The following ALS2CL variants were observed in gnomAD, a reference collection of about 807,000 sequenced individuals.
The protein encoded by ALS2CL is ALS2 C-terminal like.
Under a neutral mutation model 127.9 loss-of-function variants are expected in ALS2CL, and 112 were observed. The observed-to-expected ratio is 0.88, with a 90% CI of 0.75 to 1.02. The LOEUF (loss-of-function observed/expected upper bound fraction) is 1.02. Among genes scored for constraint, ALS2CL ranks in the 50% least tolerant of loss-of-function variants. The pLI is 0.00. For synonymous variants in ALS2CL, 519 were observed against 527.6 expected, an observed-to-expected ratio of 0.98 and a Z score of 0.22; for missense variants, 1,174 against 1,236.7, an observed-to-expected ratio of 0.95 and a Z score of 0.76.
Position 46,683,173 on chromosome 3 carries a change from C to G in ALS2CL, c.1066G>C (p.Ala356Pro). The change falls in exon 10 of 26, where the codon GCC becomes CCC. Residue 356 changes from alanine (A) to proline (P), a missense_variant. Ala to Pro is a conservative substitution (Grantham distance 27). Coordinates refer to ENST00000318962, the MANE Select transcript of ALS2CL (RefSeq NM_147129.5). Reference protein sequence around the residue: ...TFQAEGRLCQATYEGEWCRGR... With the variant: ...TFQAEGRLCQPTYEGEWCRGR... Reference sequence around the variant, plus strand: ...CTGCACCACTCGCCCTCGTAGGTGGCCTGGCAGAGCCGGCCCTCTGCCTGG... The same window carrying G: ...CTGCACCACTCGCCCTCGTAGGTGGGCTGGCAGAGCCGGCCCTCTGCCTGG... 2 of 1,603,340 alleles carry G rather than the reference C, an allele frequency of 1.2e-6. No individual in the cohort carries two copies. The highest frequency in any genetic ancestry group is 1.7e-6 in the Non-Finnish European group (2 of 1,174,602).
At chr3:46,682,830 A>G (rs1699458049) in intron 10 of ALS2CL, among the ~76,000 whole-genome samples, 1 of 152,226 alleles carries the variant, frequency 6.6e-6, no homozygotes, top group African/African-American at 2.4e-5. Flanking sequence ...ACAATGAGGT[A>G]CAGATGTGAG....
At chr3:46,689,942 C>T (rs1575452829) in intron 1 of ALS2CL, among the ~76,000 whole-genome samples, 1 of 152,328 alleles carries the variant, frequency 6.6e-6, no homozygotes, top group East Asian at 1.9e-4. Flanking sequence ...TCCCTGTCAC[C>T]CAACCAGGCT....
chr3:46,689,603 G>A (rs1700034214), intron 1 of ALS2CL, 138 bp from the exon 2 acceptor site: 1 of 601,534 alleles, frequency 1.7e-6, no homozygotes, highest in African/African-American at 1.9e-5. Flanking sequence ...TCGCCTCAAA[G>A]GGGAGTTCCT....
Position 46,689,517 on chromosome 3 carries a change from T to C in ALS2CL, c.-25-52A>G, listed in dbSNP as rs184086238. The C allele has an allele frequency of 2.6e-4, 331 of 1,257,134 alleles. 2 individuals are homozygous for C. The East Asian group carries it at 7.4e-3, about 28-fold the overall frequency. The allele number at this position is 1,257,134 out of a possible 1,614,324, so 77.9% of individuals were successfully genotyped here. ...ATAGCACAGACAGGAGCAAGGCCAGTGCCCATCCTCTCAGGCAGGGTGCCC... is the reference window on the plus strand; with the variant it reads ...ATAGCACAGACAGGAGCAAGGCCAGCGCCCATCCTCTCAGGCAGGGTGCCC... On this transcript the variant is annotated intron_variant, in intron 1 of 25. Coordinates refer to ENST00000318962, the MANE Select transcript of ALS2CL (RefSeq NM_147129.5).
intron 10 of ALS2CL, 92 bp from the exon 11 acceptor site, chr3:46,682,186 C>T: frequency 7.3e-7 from 1 of 1,370,420 alleles, no homozygotes; most frequent in Non-Finnish European, 1.0e-6. Context: ...CCTTCCTCTT[C>T]CCTTGGACTG....
At position 46,677,341 on chromosome 3, in the gene ALS2CL, A is replaced by G. The variant is rs146686139; in HGVS notation, c.1758-319T>C. The G allele has an allele frequency of 1.3e-4, 148 of 1,148,588 alleles. 1 individual carries two copies. In the East Asian group the frequency reaches 7.1e-3, roughly 55 times the overall value. The allele number at this position is 1,148,588 out of a possible 1,614,324, so 71.1% of individuals were successfully genotyped here. Reference sequence around the variant, plus strand: ...AGGGGGTCTTGGTCCAAGAGAGACCAGTGTCCAAAGTCTGGGATTCCCCTC... The same window carrying G: ...AGGGGGTCTTGGTCCAAGAGAGACCGGTGTCCAAAGTCTGGGATTCCCCTC... On this transcript the variant is annotated intron_variant, in intron 16 of 25. Coordinates refer to ENST00000318962, the MANE Select transcript of ALS2CL (RefSeq NM_147129.5).
At chr3:46,679,395 C>T (rs535745126) in intron 14 of ALS2CL, 108 bp from the exon 15 acceptor site, 26 of 960,828 alleles carry the variant, frequency 2.7e-5, no homozygotes, top group Admixed American at 1.1e-4. Flanking sequence ...TGACACATGG[C>T]GAGAGGGGCC....
At position 46,676,134 on chromosome 3, in the gene ALS2CL, T is replaced by C. The variant is rs114495952; in HGVS notation, c.2186+111A>G. Reference sequence around the variant, plus strand: ...GCACACTGACCAAGCCTCTGGTTCATTGTTGAATCAGACACTTGGCATTCC... The same window carrying C: ...GCACACTGACCAAGCCTCTGGTTCACTGTTGAATCAGACACTTGGCATTCC... On this transcript the variant is annotated intron_variant, in intron 19 of 25. Transcript: ENST00000318962. The C allele has an allele frequency of 1.7e-3, 2,449 of 1,472,152 alleles. 45 individuals are homozygous for C. In the African/African-American group the frequency reaches 0.03, roughly 18 times the overall value. The allele number at this position is 1,472,152 out of a possible 1,614,324, so 91.2% of individuals were successfully genotyped here.
chr3:46,681,566 T>G lies in ALS2CL; in HGVS notation c.1208A>C (p.Glu403Ala). 1.9e-6 allele frequency: 3 copies of G among 1,614,102 alleles called. No homozygotes were observed. The highest frequency in any genetic ancestry group is 2.2e-5 in the South Asian group (2 of 91,088). Residue 403 changes from glutamate (E) to alanine (A), a missense_variant, in exon 12 of 26, where the codon GAG becomes GCG. By Grantham distance (107) the Glu-to-Ala change is moderately radical (BLOSUM62 -1). Coordinates refer to ENST00000318962, the MANE Select transcript of ALS2CL (RefSeq NM_147129.5). This position sits in a 1 kb window ranked among gnomAD's most constrained non-coding sequence, Gnocchi z 4.9. ...ACACTTGTAACAGTCGAACTTGTCC[T>G]CAGAGGCCTGGGGCAGCAGGCGGAT... ...FGIRLLPQAS[E>A]DKFDCYKCHW...
At position 46,687,674 on chromosome 3, in the gene ALS2CL, A is replaced by G; in HGVS notation, c.313T>C (p.Ser105Pro). ...TGCACCACCATGCAGCTTGTGTAGG[A>G]CTCAATGTACCTGCAGGCAGCACAG... ...VLQAHIEYIE[S>P]YTSCMVVQAF... Residue 105 changes from serine (S) to proline (P), a missense_variant, in exon 4 of 26, where the codon TCC (serine) becomes CCC (proline). Coordinates refer to ENST00000318962, the MANE Select transcript of ALS2CL (RefSeq NM_147129.5). 1 of 1,612,526 alleles carries G rather than the reference A, an allele frequency of 6.2e-7. No individual in the cohort carries two copies. Among genetic ancestry groups the G allele is most frequent in the Non-Finnish European group, 8.5e-7 (1 of 1,179,442 alleles).
intron 24 of ALS2CL, 21 bp downstream of exon 24, chr3:46,671,863 C>G (rs778247926): frequency 6.2e-7 from 1 of 1,612,904 alleles, no homozygotes; most frequent in Non-Finnish European, 8.5e-7. Flanking sequence ...GCCCTGCACC[C>G]CCAGCTCCTG....
In ALS2CL at chr3:46,671,566, G is replaced by A. The variant is rs202232432; in HGVS notation, c.2703C>T (p.Ala901=). 8.7e-6 allele frequency: 14 copies of A among 1,613,860 alleles called. No homozygotes were observed. The highest frequency in any genetic ancestry group is 1.6e-4 in the Middle Eastern group (1 of 6,062). The change falls in exon 25 of 26, where the codon GCC becomes GCT. Residue 901 remains alanine, a synonymous_variant. Transcript: ENST00000318962. ...TCATGTCACGGATCAGGTGGATCTC[G>A]GCTCCCAGGTGCTGAATTCTGGAGA... ...VSRARIQHLG[A]EIHLIRDMMD... is the part of the protein sequence containing the mutation.
chr3:46,671,470 A>G lies in ALS2CL; in HGVS notation c.2781+18T>C, dbSNP rs755957231. 1.2e-6 allele frequency: 2 copies of G among 1,613,748 alleles called. No individual in the cohort carries two copies. The highest frequency in any genetic ancestry group is 2.2e-5 in the South Asian group (2 of 91,044). On this transcript the variant is annotated intron_variant, in intron 25 of 25. Transcript: ENST00000318962. ...GGCCAGGGCATTTCCACCTCGGTCC[A>G]CAGCCCCTGTCCCTTACCTCCAGGG...
chr3:46,687,556 G>T, intron 4 of ALS2CL, 63 bp downstream of exon 4: 2 of 1,578,302 alleles, frequency 1.3e-6, no homozygotes, highest in South Asian at 2.3e-5. Context: ...GGGCTTCCCC[G>T]ACCCCACCCT....
intron 2 of ALS2CL, 120 bp downstream of exon 2, chr3:46,689,218 G>A: frequency 9.9e-7 from 1 of 1,010,614 alleles, no homozygotes; most frequent in Non-Finnish European, 1.5e-6. Flanking sequence ...GATACCAGGT[G>A]TCACCACTCC....
intron 19 of ALS2CL, 100 bp from the exon 20 acceptor site, chr3:46,675,786 C>T: frequency 6.3e-7 from 1 of 1,585,644 alleles, no homozygotes; most frequent in South Asian, 1.1e-5. Context: ...CCTCTCAGAA[C>T]TGTGGACATG....
intron 22 of ALS2CL, among the ~76,000 whole-genome samples, chr3:46,672,420 T>C (rs1472903955): frequency 6.6e-6 from 1 of 152,060 alleles, no homozygotes; most frequent in Non-Finnish European, 1.5e-5. Flanking sequence ...CTCCATGAGG[T>C]TGGGAGGATC....
intron 16 of ALS2CL, 130 bp downstream of exon 16, chr3:46,678,129 G>A (rs775021468): frequency 9.5e-7 from 1 of 1,052,962 alleles, no homozygotes; most frequent in Non-Finnish European, 1.2e-6. Context: ...GTACACCCTG[G>A]GCTCTCGGAA....
intron 22 of ALS2CL, among the ~76,000 whole-genome samples, chr3:46,672,997 C>A (rs181922269): frequency 0.016 from 2,393 of 152,208 alleles, 32 homozygotes; most frequent in Non-Finnish European, 0.026. Context: ...TAAAGTGAGA[C>A]TTTTTCTCGA....
Sources: allele counts gnomAD v4.1 joint callset (sites outside exome capture counted in the v4.1 genomes callset), GRCh38; gene constraint gnomAD v4.1.1; non-coding constraint Gnocchi (gnomAD v3.1); transcripts MANE v1.5; gene names NCBI Gene and HGNC (gene_info 2026-07-23, HGNC 2026-07-21).